OR2V1: variants seen among roughly 807,000 people sequenced by gnomAD.
The protein encoded by OR2V1 is olfactory receptor family 2 subfamily V member 1.
Under a neutral mutation model 15.0 loss-of-function variants are expected in OR2V1, and 18 were observed. The ratio of observed to expected loss-of-function variants is 1.20; its 90% CI spans 0.83 to 1.78. The LOEUF is 1.78. Among genes scored for constraint, OR2V1 ranks in the 40% most tolerant of loss-of-function variants. OR2V1 has a pLI of 0.00. For synonymous variants in OR2V1, 144 were observed against 146.1 expected (o/e 0.99, Z 0.10); for missense variants, 359 against 392.9 (o/e 0.91, Z 0.73).
At position 181,129,188 on chromosome 5, in the gene OR2V1, C is replaced by T. The variant is rs957941451; in HGVS notation, c.-22+332G>A. ...TCAAGCTGGCAGTGATCTATGTTCA[C>T]GCCACTGCACTCCAGCCTGGGTGAC... On this transcript the variant is annotated intron_variant, in intron 3 of 3. Transcript: ENST00000641551. Among the ~76,000 whole-genome samples the T allele has an allele frequency of 4.6e-5, 7 of 152,110 alleles. 1 individual carries two copies. In the South Asian group the frequency reaches 6.2e-4, roughly 14 times the overall value.
intron 3 of OR2V1, among the ~76,000 whole-genome samples, chr5:181,129,293 C>G (rs1762929501): frequency 6.6e-6 from 1 of 151,948 alleles, no homozygotes; most frequent in Non-Finnish European, 1.5e-5. Context: ...GTTCCAGTTA[C>G]TTGGAAGACT....
At chr5:181,130,336 A>T (rs762125511) in intron 1 of OR2V1, 121 bp from the exon 2 acceptor site, 6 of 398,314 alleles carry the variant, frequency 1.5e-5, no homozygotes, top group African/African-American at 1.2e-4. Flanking sequence ...CCGACTACTC[A>T]TCGGGTTGTG....
chr5:181,131,035 A>C lies in OR2V1; in HGVS notation c.-121+15T>G, dbSNP rs1023108918. The C allele has an allele frequency of 1.3e-5, 2 of 152,160 alleles. No homozygotes were observed. Among genetic ancestry groups the C allele is most frequent in the Admixed American group, 1.3e-4 (2 of 15,248 alleles). The allele number at this position is 152,160 out of a possible 1,614,324, so 9.4% of individuals were successfully genotyped here. On this transcript the variant is annotated intron_variant, in intron 1 of 3. Coordinates refer to ENST00000641551, the MANE Select transcript of OR2V1 (RefSeq NM_001258283.2). The stretch of plus-strand genomic sequence containing the variant: ...AGGGGTCTACAGCCTCGTGGGAGGG[A>C]AAGAACAGCCCCACCTTCACGAGAG...
chr5:181,126,664 G>A (rs928495592), intron 3 of OR2V1, among the ~76,000 whole-genome samples: 2 of 151,066 alleles, frequency 1.3e-5, no homozygotes, highest in African/African-American at 4.9e-5. Flanking sequence ...ATACAGACAT[G>A]GAAAGATATG....
rs1461171641 is a variant in OR2V1, at chr5:181,123,669, G to T, written c.*688C>A. The T allele has an allele frequency of 2.0e-5, 3 of 152,304 alleles. No individual in the cohort carries two copies. The East Asian group carries it at 5.8e-4, about 29-fold the overall frequency. 9.4% of individuals were successfully genotyped at this position (152,304 alleles called of 1,614,324 possible). ...TATCCTCGTGATTTTGGGGGCCCAA[G>T]ATATCCTCCTTTCATAACACACACA... On this transcript the variant is annotated 3_prime_UTR_variant, in exon 4 of 4. Transcript: ENST00000641551.
At chr5:181,126,910 T>C (rs914385660) in intron 3 of OR2V1, among the ~76,000 whole-genome samples, 11 of 152,240 alleles carry the variant, frequency 7.2e-5, no homozygotes, top group African/African-American at 2.7e-4. Flanking sequence ...CTCCTGGGCC[T>C]GGTGCCCGCA....
intron 3 of OR2V1, among the ~76,000 whole-genome samples, chr5:181,126,420 CCA>C (rs10532191): frequency 0.76 from 106,977 of 140,790 alleles, 42,441 homozygotes; most frequent in Non-Finnish European, 0.9. Context: ...ACATCACACA[CCA>C]CACACACACA....
At chr5:181,128,733 G>A (rs1463640199) in intron 3 of OR2V1, among the ~76,000 whole-genome samples, 1 of 152,040 alleles carries the variant, frequency 6.6e-6, no homozygotes, top group East Asian at 1.9e-4. Flanking sequence ...TTCTTCTTCT[G>A]CCTCCCTTCC....
chr5:181,124,710 G>C lies in OR2V1; in HGVS notation c.595C>G (p.Leu199Val). Residue 199 changes from leucine to valine, a missense_variant, in exon 4 of 4, where the codon CTC becomes GTC. By Grantham distance (32) the Leu-to-Val change is conservative. Transcript: ENST00000641551. ...ATGAAGACACAGCAAGCAAAGAGGA[G>C]GGTGTCAAAAAGGGAAGTGTCTGCA... ...ACADTSLFDT[L>V]LFACCVFMLL... 6.2e-7 allele frequency: 1 copy of C among 1,612,026 alleles called. No individual in the cohort carries two copies. The highest frequency in any genetic ancestry group is 8.5e-7 in the Non-Finnish European group (1 of 1,179,962).
In OR2V1 at chr5:181,129,463, T is replaced by C. The variant is rs114583221; in HGVS notation, c.-22+57A>G. On this transcript the variant is annotated intron_variant, in intron 3 of 3. Transcript: ENST00000641551. ...CAGCGACCAAGCACCCTCTCAGCCA[T>C]ATCAACCAGCAAAATACACCAGATG... The C allele has an allele frequency of 1.8e-3, 280 of 152,030 alleles. 1 individual carries two copies. Among genetic ancestry groups the C allele is most frequent in the East Asian group, 8.8e-3 (45 of 5,132 alleles). 9.4% of individuals were successfully genotyped at this position (152,030 alleles called of 1,614,324 possible).
chr5:181,125,448 G>GA, intron 3 of OR2V1, 123 bp from the exon 4 acceptor site: 1 of 704,090 alleles, frequency 1.4e-6, no homozygotes, highest in Non-Finnish European at 2.3e-6. Context: ...TGACACAGGT[G>GA]ACAGGACCTC....
At chr5:181,130,859 C>T (rs933731823) in intron 1 of OR2V1, among the ~76,000 whole-genome samples, 191 bp downstream of exon 1, 1 of 152,196 alleles carries the variant, frequency 6.6e-6, no homozygotes, top group African/African-American at 2.4e-5. Flanking sequence ...CAGCGACCTC[C>T]AGGGCCCTCA....
intron 1 of OR2V1, among the ~76,000 whole-genome samples, chr5:181,130,829 A>T (rs1007498142): frequency 5.9e-5 from 9 of 151,676 alleles, no homozygotes; most frequent in African/African-American, 1.9e-4. Context: ...TTGCCCCCCC[A>T]CACACACATC....
At position 181,125,206 on chromosome 5, in the gene OR2V1, C is replaced by G. The variant is rs770486334; in HGVS notation, c.99G>C (p.Met33Ile). ...CACAGAGGGCCACTGTGAAGACCAC[C>G]ATAACTGCAGAGAAGAGGACAAGGT... is the stretch of plus-strand genomic sequence containing the variant. ...QTDLVLFSAV[M>I]VVFTVALCGN... The change falls in exon 4 of 4, where the codon ATG (methionine) becomes ATC (isoleucine). Residue 33 changes from methionine to isoleucine, a missense_variant. Met to Ile is a conservative substitution (Grantham distance 10, BLOSUM62 1). Transcript: ENST00000641551. The G allele has an allele frequency of 6.8e-6, 11 of 1,614,122 alleles. No homozygotes were observed. In the South Asian group the frequency reaches 1.2e-4, roughly 18 times the overall value.
chr5:181,124,814 G>T lies in OR2V1; in HGVS notation c.491C>A (p.Ala164Asp). 1 of 1,594,162 alleles carries T rather than the reference G, an allele frequency of 6.3e-7. No homozygotes were observed. Among genetic ancestry groups the T allele is most frequent in the Non-Finnish European group, 8.5e-7 (1 of 1,170,550 alleles). The change falls in exon 4 of 4, where the codon GCC becomes GAC. Residue 164 changes from alanine to aspartate, a missense_variant. Physicochemically the swap from Ala to Asp is moderately radical, Grantham distance 126 (BLOSUM62 -2). Coordinates refer to ENST00000641551, the MANE Select transcript of OR2V1 (RefSeq NM_001258283.2). ...IIDGVIQMVA[A>D]MGLPYCGSRS... The stretch of plus-strand genomic sequence containing the variant: ...TGAGCCACAGTAAGGTAAGCCCATG[G>T]CTGCCACCATCTGAATCACTCCATC...
rs1386938892 is a variant in OR2V1 at position 181,123,229 on chromosome 5, A to G, written c.*1128T>C. 1 of 152,228 alleles carries G rather than the reference A, an allele frequency of 6.6e-6. No homozygotes were observed. Among genetic ancestry groups the G allele is most frequent in the Non-Finnish European group, 1.5e-5 (1 of 68,050 alleles). The allele number at this position is 152,228 out of a possible 1,614,324, so 9.4% of individuals were successfully genotyped here. A position where few individuals can be genotyped will look rare whatever the true frequency, so the allele number is the denominator to read the frequency against. On this transcript the variant is annotated 3_prime_UTR_variant, in exon 4 of 4. Transcript: ENST00000641551. ...ATAAGGCACAGGGTCTGGTACTGGT[A>G]ATACACTGTGAACCCCCAACCTTTG...
Position 181,124,365 on chromosome 5 carries a change from G to T in OR2V1, c.940C>A (p.Gln314Lys). 6.4e-7 allele frequency: 1 copy of T among 1,574,244 alleles called. No individual in the cohort carries two copies. Among genetic ancestry groups the T allele is most frequent in the Admixed American group, 1.8e-5 (1 of 54,326 alleles). ...GCACCAGACTCTGGGGTTCAGTGCT[G>T]GCTGCCAATCCTGCAGCGGTCCAGC... ...KGLDRCRIGS[Q>K]H Residue 314 changes from glutamine to lysine, a missense_variant, in exon 4 of 4, where the codon CAG becomes AAG. By Grantham distance (53) the Gln-to-Lys change is moderately conservative (BLOSUM62 1). Transcript: ENST00000641551.
chr5:181,127,833 A>G (rs1433310687), intron 3 of OR2V1, among the ~76,000 whole-genome samples: 3 of 151,700 alleles, frequency 2.0e-5, no homozygotes, highest in African/African-American at 7.3e-5. Flanking sequence ...CCCCAGCAGA[A>G]GAAGGGATGC....
Position 181,124,333 on chromosome 5 carries a change from A to G in OR2V1, c.*24T>C. ...CAATGTGACACAGGCAAGAAGGGGC[A>G]CAGCAGGCACCAGACTCTGGGGTTC... On this transcript the variant is annotated 3_prime_UTR_variant, in exon 4 of 4. Transcript: ENST00000641551. 1 of 1,516,812 alleles carries G rather than the reference A, an allele frequency of 6.6e-7. No individual in the cohort carries two copies. The highest frequency in any genetic ancestry group is 2.3e-5 in the East Asian group (1 of 43,660). The allele number at this position is 1,516,812 out of a possible 1,614,324, so 94.0% of individuals were successfully genotyped here. A position where few individuals can be genotyped will look rare whatever the true frequency, so the allele number is the denominator to read the frequency against.
Sources: gnomAD v4.1 joint callset for allele counts (sites outside exome capture counted in the v4.1 genomes callset) on GRCh38, gnomAD v4.1.1 for gene constraint, MANE v1.5 for transcripts, NCBI Gene and HGNC (gene_info 2026-07-23, HGNC 2026-07-21) for gene names.